The following SMYD3 variants were observed in gnomAD, a reference collection of about 807,000 sequenced individuals.
SMYD3 encodes the protein histone-lysine N-methyltransferase SMYD3.
A neutral mutation model predicts 57.7 loss-of-function variants in SMYD3; 36 were observed. That is an observed-to-expected ratio of 0.62 (90% confidence interval 0.48 to 0.82). SMYD3 has a LOEUF of 0.82. Among genes scored for constraint, SMYD3 ranks in the 40% least tolerant of loss-of-function variants. SMYD3 has a pLI of 0.00. For synonymous variants in SMYD3, 211 were observed against 195.0 expected (o/e 1.08, Z -0.68); for missense variants, 515 against 538.8 (o/e 0.96, Z 0.44).
At chr1:245,751,429 CCT>C (rs2045346088) in intron 11 of SMYD3, among the ~76,000 whole-genome samples, 1 of 152,082 alleles carries the variant, frequency 6.6e-6, no homozygotes, top group Admixed American at 6.6e-5. Context: ...GTAATTTCAA[CCT>C]CTGTTTCTGG....
chr1:246,247,746 T>G lies in SMYD3; in HGVS notation c.531+79455A>C, dbSNP rs140523533. Among the ~76,000 whole-genome samples the G allele has an allele frequency of 6.4e-4, 98 of 152,206 alleles. 1 individual carries two copies. The East Asian group carries it at 0.018, about 28-fold the overall frequency. ...AATAGAAACGACAGTTAACACTTTTTATTTTCTAGCTAAGAGTCACCTATT... is the reference window on the plus strand; with the variant it reads ...AATAGAAACGACAGTTAACACTTTTGATTTTCTAGCTAAGAGTCACCTATT... On this transcript the variant is annotated intron_variant, in intron 5 of 11. Coordinates refer to ENST00000490107, the MANE Select transcript of SMYD3 (RefSeq NM_001167740.2).
chr1:246,379,643 T>C (rs1032155481), intron 1 of SMYD3, among the ~76,000 whole-genome samples: 5 of 152,188 alleles, frequency 3.3e-5, no homozygotes, highest in African/African-American at 1.2e-4. Context: ...AGCAACCAAA[T>C]ATGAATACAA....
rs1025023664 is a variant in SMYD3, at chr1:246,208,643, C to A, written c.531+118558G>T. 2.0e-5 allele frequency among the ~76,000 whole-genome samples: 3 copies of A among 152,272 alleles called. No homozygotes were observed. In the East Asian group the frequency reaches 5.8e-4, roughly 29 times the overall value. ...AAGGGAAAAACATACGTCTAGAAAA[C>A]TGTTCTCTGCTGCTCATAGGCAATC... On this transcript the variant is annotated intron_variant, in intron 5 of 11. Coordinates refer to ENST00000490107, the MANE Select transcript of SMYD3 (RefSeq NM_001167740.2).
At chr1:245,895,452 C>T (rs2053705951) in intron 8 of SMYD3, among the ~76,000 whole-genome samples, 1 of 152,066 alleles carries the variant, frequency 6.6e-6, no homozygotes, top group African/African-American at 2.4e-5. Context: ...GCTCATCATC[C>T]CACCAGGAGA....
At chr1:246,226,905 T>A (rs182883051) in intron 5 of SMYD3, among the ~76,000 whole-genome samples, 1 of 152,338 alleles carries the variant, frequency 6.6e-6, no homozygotes, top group African/African-American at 2.4e-5. Context: ...ACCTTATAAA[T>A]CATCTAGTTC....
chr1:245,925,370 CTTAAT>C (rs1000957731), intron 7 of SMYD3, among the ~76,000 whole-genome samples: 31 of 152,218 alleles, frequency 2.0e-4, no homozygotes, highest in African/African-American at 7.0e-4. Context: ...AGATTTATTC[CTTAAT>C]TTAAAGCTAA....
chr1:245,822,774 G>C (rs1009063558), intron 10 of SMYD3, among the ~76,000 whole-genome samples: 2 of 152,028 alleles, frequency 1.3e-5, no homozygotes, highest in Non-Finnish European at 2.9e-5. Flanking sequence ...TTTGTACTTG[G>C]CTCTCCATAG....
In SMYD3 at chr1:246,268,872, G is replaced by A. The variant is rs149608180; in HGVS notation, c.531+58329C>T. Among the ~76,000 whole-genome samples the A allele has an allele frequency of 1.8e-3, 266 of 151,944 alleles. 1 individual carries two copies. The highest frequency in any genetic ancestry group is 5.8e-3 in the African/African-American group (239 of 41,426). ...ATGGACTCGCCCTGAATTCTTTCTCGCGCCAGATCCAAGAGCCCTCCCTTG... is the reference window on the plus strand; with the variant it reads ...ATGGACTCGCCCTGAATTCTTTCTCACGCCAGATCCAAGAGCCCTCCCTTG... On this transcript the variant is annotated intron_variant, in intron 5 of 11. Transcript: ENST00000490107.
At chr1:246,025,070 A>G (rs1029169742) in intron 5 of SMYD3, among the ~76,000 whole-genome samples, 30 of 150,612 alleles carry the variant, frequency 2.0e-4, no homozygotes, top group Non-Finnish European at 3.5e-4. Context: ...GACAGCATCT[A>G]GGAAGGGAGA....
chr1:246,124,825 G>A (rs1489209440), intron 5 of SMYD3, among the ~76,000 whole-genome samples: 1 of 149,132 alleles, frequency 6.7e-6, no homozygotes, highest in Non-Finnish European at 1.5e-5. Flanking sequence ...CTGTAATAGA[G>A]TGATCTTTTC....
intron 1 of SMYD3, among the ~76,000 whole-genome samples, chr1:246,409,184 GATCCC>G (rs2066918888): frequency 6.6e-6 from 1 of 152,196 alleles, no homozygotes; most frequent in South Asian, 2.1e-4. Context: ...AGTTCAATTA[GATCCC>G]ATTTGTCAAT....
intron 5 of SMYD3, among the ~76,000 whole-genome samples, chr1:246,025,243 G>C (rs1455265178): frequency 1.3e-5 from 2 of 149,230 alleles, no homozygotes; most frequent in African/African-American, 5.0e-5. Flanking sequence ...GGGAGATACA[G>C]CAAGTGGACA....
At chr1:246,121,778 G>A (rs1298563276) in intron 5 of SMYD3, among the ~76,000 whole-genome samples, 1 of 152,158 alleles carries the variant, frequency 6.6e-6, no homozygotes, top group Non-Finnish European at 1.5e-5. Flanking sequence ...AGTAATCAGT[G>A]ATGTCATTAT....
intron 8 of SMYD3, among the ~76,000 whole-genome samples, chr1:245,907,044 A>G (rs12568039): frequency 0.11 from 16,955 of 152,028 alleles, 1,188 homozygotes; most frequent in East Asian, 0.39. Context: ...GAGAGAGTAG[A>G]AGGAGGCTTC....
At chr1:246,122,855 C>T (rs1358231434) in intron 5 of SMYD3, among the ~76,000 whole-genome samples, 2 of 152,198 alleles carry the variant, frequency 1.3e-5, no homozygotes, top group African/African-American at 4.8e-5. Flanking sequence ...AAGGGCGTAG[C>T]CATGATTAAC....
At chr1:246,036,073 T>C (rs183455890) in intron 5 of SMYD3, among the ~76,000 whole-genome samples, 1 of 152,276 alleles carries the variant, frequency 6.6e-6, no homozygotes, top group East Asian at 1.9e-4. Context: ...TTAAGTATGT[T>C]GAAGAAAAAA....
intron 1 of SMYD3, among the ~76,000 whole-genome samples, chr1:246,505,517 G>A (rs547304605): frequency 6.6e-6 from 1 of 152,188 alleles, no homozygotes; most frequent in South Asian, 2.1e-4. Flanking sequence ...CGACAGAAGT[G>A]ATATACACCC....
intron 10 of SMYD3, among the ~76,000 whole-genome samples, chr1:245,802,365 C>G (rs1379926220): frequency 6.6e-6 from 1 of 152,132 alleles, no homozygotes; most frequent in Non-Finnish European, 1.5e-5. Flanking sequence ...AAACGCTGAC[C>G]TCCCCCTCTC....
intron 5 of SMYD3, among the ~76,000 whole-genome samples, chr1:246,276,772 C>G (rs969310112): frequency 2.0e-5 from 3 of 146,748 alleles, no homozygotes; most frequent in African/African-American, 7.5e-5. Flanking sequence ...TGTTTTTTCA[C>G]TAGCCGTATT....
Sources: allele counts gnomAD v4.1 joint callset (sites outside exome capture counted in the v4.1 genomes callset), GRCh38; gene constraint gnomAD v4.1.1; transcripts MANE v1.5; gene names NCBI Gene and HGNC (gene_info 2026-07-23, HGNC 2026-07-21).